The following ALKBH5 variants were observed in gnomAD, a reference collection of about 807,000 sequenced individuals.
ALKBH5 encodes RNA demethylase ALKBH5.
A neutral mutation model predicts 32.1 loss-of-function variants in ALKBH5; 2 were observed. The observed-to-expected ratio is 0.06, with a 90% CI of 0.03 to 0.20. The LOEUF (loss-of-function observed/expected upper bound fraction) is 0.20, where lower values mean the gene tolerates loss of function less well. ALKBH5 is among the 10% of genes least tolerant of loss of function. The pLI is 1.00. For synonymous variants in ALKBH5, 300 were observed against 231.7 expected, an observed-to-expected ratio of 1.29 and a Z score of -2.68; for missense variants, 352 against 559.5, an observed-to-expected ratio of 0.63 and a Z score of 3.74.
rs922843376 is a variant in ALKBH5 at position 18,206,758 on chromosome 17, G to A, written c.852-57G>A. On this transcript the variant is annotated intron_variant, in intron 2 of 3. Coordinates refer to ENST00000399138, the MANE Select transcript of ALKBH5 (RefSeq NM_017758.4). Reference sequence around the variant, plus strand: ...GGCCTGGCCAGAGAATTGGTCTGATGGTGCCCACACCTTCACCGGAGGCCC... The same window carrying A: ...GGCCTGGCCAGAGAATTGGTCTGATAGTGCCCACACCTTCACCGGAGGCCC... The A allele has an allele frequency of 3.2e-6, 5 of 1,585,608 alleles. No individual in the cohort carries two copies. In the African/African-American group the frequency reaches 5.4e-5, roughly 17 times the overall value.
chr17:18,200,322 T>A (rs1460915922), intron 2 of ALKBH5, among the ~76,000 whole-genome samples: 2 of 151,988 alleles, frequency 1.3e-5, no homozygotes, highest in Admixed American at 1.3e-4. Flanking sequence ...AGAGATGGCT[T>A]ATGGGTCTTC....
chr17:18,202,519 G>T (rs974931288), intron 2 of ALKBH5, among the ~76,000 whole-genome samples: 4 of 152,150 alleles, frequency 2.6e-5, no homozygotes, highest in Non-Finnish European at 5.9e-5. Context: ...AGGCAAGAGG[G>T]TGCTTGGACA....
intron 2 of ALKBH5, among the ~76,000 whole-genome samples, chr17:18,200,112 A>AAAT (rs565221204): frequency 9.6e-5 from 13 of 135,554 alleles, no homozygotes; most frequent in African/African-American, 2.9e-4. Context: ...AAAAAAAAAA[A>AAAT]TTTTTTTTTT....
chr17:18,195,504 C>T (rs755831081), intron 2 of ALKBH5, among the ~76,000 whole-genome samples: 4 of 152,248 alleles, frequency 2.6e-5, no homozygotes, highest in East Asian at 3.9e-4. Context: ...ATGTAGTATT[C>T]GGCAGAATCA....
intron 1 of ALKBH5, among the ~76,000 whole-genome samples, chr17:18,186,185 T>G (rs2047138023): frequency 6.6e-6 from 1 of 152,132 alleles, no homozygotes; most frequent in African/African-American, 2.4e-5. Flanking sequence ...GGTGGGAAGG[T>G]GGGAAGTCAG....
At chr17:18,202,655 C>A (rs1044224358) in intron 2 of ALKBH5, among the ~76,000 whole-genome samples, 4 of 152,116 alleles carry the variant, frequency 2.6e-5, no homozygotes, top group African/African-American at 9.7e-5. Flanking sequence ...GCCCTCGCTC[C>A]AGAGTCATCG....
rs2047289088 is a variant in ALKBH5, at chr17:18,209,093, G to A, written c.*697G>A. On this transcript the variant is annotated 3_prime_UTR_variant, in exon 4 of 4. Transcript: ENST00000399138. ...TTCCTTGGGCTGCTGAGGGGCTAGT[G>A]CAGTGGTCCTGACCTCTCTTATCAA... The A allele has an allele frequency of 6.3e-6, 1 of 157,750 alleles. No individual in the cohort carries two copies. Among genetic ancestry groups the A allele is most frequent in the South Asian group, 1.8e-4 (1 of 5,432 alleles). The allele number at this position is 157,750 out of a possible 1,614,324, so 9.8% of individuals were successfully genotyped here.
chr17:18,201,778 GATAGATA>G (rs2047238433), intron 2 of ALKBH5, among the ~76,000 whole-genome samples: 4 of 105,864 alleles, frequency 3.8e-5, no homozygotes, highest in African/African-American at 1.3e-4. Flanking sequence ...TAGATAGATA[GATAGATA>G]GGATAGATAA....
At chr17:18,186,261 A>G (rs568109756) in intron 1 of ALKBH5, among the ~76,000 whole-genome samples, 9 of 152,200 alleles carry the variant, frequency 5.9e-5, no homozygotes, top group Non-Finnish European at 1.3e-4. Flanking sequence ...TAGCTGTCAG[A>G]TGCCTTCTTA....
Position 18,184,484 on chromosome 17 carries a change from G to A in ALKBH5, c.241G>A (p.Glu81Lys), listed in dbSNP as rs748052555. 6.2e-7 allele frequency: 1 copy of A among 1,612,954 alleles called. No homozygotes were observed. Among genetic ancestry groups the A allele is most frequent in the Admixed American group, 1.7e-5 (1 of 60,002 alleles). The change falls in exon 1 of 4, where the codon GAG becomes AAG. Residue 81 changes from glutamate (E) to lysine (K), a missense_variant. This residue lies in a region of ALKBH5 where 144 missense variants were observed against 125.8 expected (regional missense o/e 1.14). Coordinates refer to ENST00000399138, the MANE Select transcript of ALKBH5 (RefSeq NM_017758.4). ...GGAGCAGCAGCTGCAGAAGGAGGAG[G>A]AGGCGCGCAAGGTGAAGAGCGGCAT... ...YEEQQLQKEEEARKVKSGIRQ... is the reference protein window; with the variant it reads ...YEEQQLQKEEKARKVKSGIRQ...
At chr17:18,192,911 G>A (rs572672569) in intron 1 of ALKBH5, among the ~76,000 whole-genome samples, 1 of 143,634 alleles carries the variant, frequency 7.0e-6, no homozygotes, top group East Asian at 2.0e-4. Flanking sequence ...CCAGGCTGGA[G>A]TGCAGTGGCA....
intron 2 of ALKBH5, among the ~76,000 whole-genome samples, chr17:18,205,572 C>G (rs1253894428): frequency 6.6e-6 from 1 of 152,210 alleles, no homozygotes; most frequent in African/African-American, 2.4e-5. Flanking sequence ...GCCTGTCAGG[C>G]TTGAAGTCTC....
rs537863881 is a variant in ALKBH5, at chr17:18,196,419, C to T, written c.851+1384C>T. On this transcript the variant is annotated intron_variant, in intron 2 of 3. Coordinates refer to ENST00000399138, the MANE Select transcript of ALKBH5 (RefSeq NM_017758.4). Reference sequence around the variant, plus strand: ...TTTTTTCGTACAGATGGGGTTTCCCCCATGTTGGCCAAGCTGGTCTCTAAC... The same window carrying T: ...TTTTTTCGTACAGATGGGGTTTCCCTCATGTTGGCCAAGCTGGTCTCTAAC... 9.9e-5 allele frequency among the ~76,000 whole-genome samples: 15 copies of T among 152,264 alleles called. 1 individual carries two copies. The South Asian group carries it at 2.9e-3, about 29-fold the overall frequency.
intron 2 of ALKBH5, among the ~76,000 whole-genome samples, chr17:18,200,241 G>A (rs548375211): frequency 6.6e-6 from 1 of 152,152 alleles, no homozygotes; most frequent in South Asian, 2.1e-4. Context: ...AGGAGGCAGG[G>A]AAATATAGGG....
intron 1 of ALKBH5, among the ~76,000 whole-genome samples, chr17:18,187,449 G>A (rs1225684595): frequency 1.3e-5 from 2 of 152,284 alleles, no homozygotes; most frequent in South Asian, 4.1e-4. Flanking sequence ...ATGCTTCATT[G>A]TTGAGGCTGT....
At chr17:18,193,495 C>T (rs149115118) in intron 1 of ALKBH5, among the ~76,000 whole-genome samples, 6,147 of 150,996 alleles carry the variant, frequency 0.041, 326 homozygotes, top group African/African-American at 0.12. Flanking sequence ...TGCAGTGAGC[C>T]GAGATTGTGC....
In ALKBH5 at chr17:18,201,793, T is replaced by TGGG. The variant is rs1567676655; in HGVS notation, c.852-5022_852-5021insGGG. ...TAGATAGATAGATAGATAGGATAGA[T>TGGG]AAGATAGATAGATAGATAGATAGAT... On this transcript the variant is annotated intron_variant, in intron 2 of 3. Coordinates refer to ENST00000399138, the MANE Select transcript of ALKBH5 (RefSeq NM_017758.4). Among the ~76,000 whole-genome samples, 305 of 74,268 alleles carry TGGG rather than the reference T, an allele frequency of 4.1e-3. 2 individuals carry two copies. Among genetic ancestry groups the TGGG allele is most frequent in the African/African-American group, 0.017 (288 of 16,848 alleles). 48.7% of individuals were successfully genotyped at this position (74,268 alleles called of 152,430 possible).
In ALKBH5 at chr17:18,184,088, G is replaced by T; in HGVS notation, c.-156G>T. The T allele has an allele frequency of 1.4e-6, 1 of 715,120 alleles. No individual in the cohort carries two copies. Among genetic ancestry groups the T allele is most frequent in the Non-Finnish European group, 2.4e-6 (1 of 414,498 alleles). 44.3% of individuals were successfully genotyped at this position (715,120 alleles called of 1,614,324 possible). ...GCTCCTGAGGCCCTACCCCACGCCC[G>T]GACCCTCGACGCCCCCCGCCGGGTC... On this transcript the variant is annotated 5_prime_UTR_variant, in exon 1 of 4. Transcript: ENST00000399138.
chr17:18,204,785 C>T (rs564597927), intron 2 of ALKBH5, among the ~76,000 whole-genome samples: 5 of 151,792 alleles, frequency 3.3e-5, no homozygotes, highest in Non-Finnish European at 7.4e-5. Context: ...CATCTGGAGC[C>T]GGGCTTGATG....
Sources: gnomAD v4.1 joint callset for allele counts (sites outside exome capture counted in the v4.1 genomes callset) on GRCh38, gnomAD v4.1.1 for gene constraint, gnomAD v4.1.1 regional missense constraint, MANE v1.5 for transcripts, NCBI Gene and HGNC (gene_info 2026-07-23, HGNC 2026-07-21) for gene names.